GLI2: variants seen among roughly 807,000 people sequenced by gnomAD.
GLI2 encodes the protein GLI family zinc finger 2, also known as transcription activator GLI2.
A neutral mutation model predicts 78.9 loss-of-function variants in GLI2; 22 were observed. That is an observed-to-expected ratio of 0.28 (90% CI 0.20 to 0.40). The LOEUF (loss-of-function observed/expected upper bound fraction) is 0.40, where lower values mean the gene tolerates loss of function less well. Among genes scored for constraint, GLI2 ranks in the 10% least tolerant of loss-of-function variants. The pLI is 1.00. For synonymous variants in GLI2, 974 were observed against 963.7 expected (o/e 1.01, Z -0.20); for missense variants, 2,097 against 2,213.2 (o/e 0.95, Z 1.05).
chr2:120,748,536 G>T (rs1247999312), intron 1 of GLI2, among the ~76,000 whole-genome samples: 1 of 152,182 alleles, frequency 6.6e-6, no homozygotes, highest in South Asian at 2.1e-4. Context: ...GGGAGAGTCA[G>T]CGTGGGGTTG....
chr2:120,908,629 C>T (rs1448846383), intron 2 of GLI2, among the ~76,000 whole-genome samples: 2 of 152,202 alleles, frequency 1.3e-5, no homozygotes, highest in African/African-American at 4.8e-5. Context: ...TGCCCCCCAA[C>T]AGACCTGGCC....
chr2:120,989,341 C>A lies in GLI2; in HGVS notation c.3376C>A (p.Pro1126Thr). 4 of 1,613,028 alleles carry A rather than the reference C, an allele frequency of 2.5e-6. No homozygotes were observed. The highest frequency in any genetic ancestry group is 2.7e-5 in the African/African-American group (2 of 75,066). Residue 1126 changes from proline (P) to threonine (T), a missense_variant, in exon 14 of 14, where the codon CCT becomes ACT. Coordinates refer to ENST00000361492, the MANE Select transcript of GLI2 (RefSeq NM_001374353.1). ...APSSLNKNNM[P>T]VQWNEVSSGT... is the part of the protein sequence containing the mutation. The stretch of plus-strand genomic sequence containing the variant: ...CTCCAGCCTGAACAAAAATAACATG[C>A]CTGTGCAGTGGAATGAGGTGAGCTC...
intron 2 of GLI2, among the ~76,000 whole-genome samples, chr2:120,820,600 G>C (rs1685722543): frequency 6.6e-6 from 1 of 152,238 alleles, no homozygotes; most frequent in Non-Finnish European, 1.5e-5. Context: ...CGGACACCCT[G>C]CGGGGACGGC....
rs961814142 is a variant in GLI2 at position 120,755,490 on chromosome 2, A to G, written c.-31+19205A>G. Among the ~76,000 whole-genome samples, 5 of 151,918 alleles carry G rather than the reference A, an allele frequency of 3.3e-5. No homozygotes were observed. The South Asian group carries it at 8.3e-4, about 25-fold the overall frequency. On this transcript the variant is annotated intron_variant, in intron 1 of 13. Coordinates refer to ENST00000361492, the MANE Select transcript of GLI2 (RefSeq NM_001374353.1). ...TTGCTTAGTTTTGAGAATTCTTTATATATTTTGGATAGAAGTCTTTTGCAG... is the reference window on the plus strand; with the variant it reads ...TTGCTTAGTTTTGAGAATTCTTTATGTATTTTGGATAGAAGTCTTTTGCAG...
At chr2:120,928,698 C>T (rs567545140) in intron 3 of GLI2, among the ~76,000 whole-genome samples, 5 of 152,326 alleles carry the variant, frequency 3.3e-5, no homozygotes, top group Admixed American at 3.3e-4. Flanking sequence ...TTTCCGGACA[C>T]CCATTGCCTC....
intron 9 of GLI2, among the ~76,000 whole-genome samples, chr2:120,976,182 GCA>G (rs1185019952): frequency 2.0e-5 from 3 of 152,130 alleles, no homozygotes; most frequent in African/African-American, 7.2e-5. Context: ...ACACGCACGT[GCA>G]CACACATGCA....
At chr2:120,961,383 C>T (rs569721786) in intron 5 of GLI2, among the ~76,000 whole-genome samples, 4 of 152,224 alleles carry the variant, frequency 2.6e-5, no homozygotes, top group Admixed American at 1.3e-4. Context: ...GAAGGGGAAC[C>T]GAGGCAAAGG....
At chr2:120,771,483 G>A (rs1683520392) in intron 1 of GLI2, among the ~76,000 whole-genome samples, 1 of 152,210 alleles carries the variant, frequency 6.6e-6, no homozygotes, top group Non-Finnish European at 1.5e-5. Flanking sequence ...TGATTCTAAG[G>A]GGTCGATCAA....
At chr2:120,777,514 G>T (rs1683717282) in intron 1 of GLI2, among the ~76,000 whole-genome samples, 2 of 151,902 alleles carry the variant, frequency 1.3e-5, no homozygotes, top group Non-Finnish European at 2.9e-5. Flanking sequence ...GAGGAGCGCG[G>T]CAGGGAGGGG....
At chr2:120,962,541 G>T (rs1681619837) in intron 5 of GLI2, among the ~76,000 whole-genome samples, 1 of 152,206 alleles carries the variant, frequency 6.6e-6, no homozygotes, top group South Asian at 2.1e-4. Flanking sequence ...TCCAGAGGCA[G>T]GTGGTGTTGG....
In GLI2 at chr2:120,988,565, C is replaced by T. The variant is rs1485605591; in HGVS notation, c.2600C>T (p.Ala867Val). 11 of 1,497,472 alleles carry T rather than the reference C, an allele frequency of 7.3e-6. No homozygotes were observed. The highest frequency in any genetic ancestry group is 9.7e-6 in the Non-Finnish European group (11 of 1,130,022). The allele number at this position is 1,497,472 out of a possible 1,614,324, so 92.8% of individuals were successfully genotyped here. Reference sequence around the variant, plus strand: ...TCCGGGCTGCTCAACCTCACGCCGGCGCAGCAGTACAGCCTGCGGGCCAAG... The same window carrying T: ...TCCGGGCTGCTCAACCTCACGCCGGTGCAGCAGTACAGCCTGCGGGCCAAG... Reference protein sequence around the residue: ...GGSGLLNLTPAQQYSLRAKYA... With the variant: ...GGSGLLNLTPVQQYSLRAKYA... Residue 867 changes from alanine (A) to valine (V), a missense_variant, in exon 14 of 14, where the codon GCG (alanine) becomes GTG (valine). Physicochemically the swap from Ala to Val is moderately conservative, Grantham distance 64 (BLOSUM62 0). Around this residue, in one of 5 missense-constraint regions of GLI2, gnomAD observed 1,290 missense variants for 1,261.7 expected, o/e 1.02. Coordinates refer to ENST00000361492, the MANE Select transcript of GLI2 (RefSeq NM_001374353.1).
At chr2:120,872,266 G>C (rs1402678446) in intron 2 of GLI2, among the ~76,000 whole-genome samples, 3 of 152,190 alleles carry the variant, frequency 2.0e-5, no homozygotes, top group African/African-American at 7.2e-5. Context: ...GGCAGTTTAG[G>C]CCACAGAGAC....
At chr2:120,879,807 A>T (rs1677025423) in intron 2 of GLI2, among the ~76,000 whole-genome samples, 1 of 152,136 alleles carries the variant, frequency 6.6e-6, no homozygotes, top group African/African-American at 2.4e-5. Flanking sequence ...TCTAATGAGG[A>T]GCTTGTAACC....
At position 120,803,018 on chromosome 2, in the gene GLI2, G is replaced by A. The variant is rs570761258; in HGVS notation, c.148+5550G>A. Among the ~76,000 whole-genome samples, 15 of 152,344 alleles carry A rather than the reference G, an allele frequency of 9.8e-5. No homozygotes were observed. The South Asian group carries it at 1.2e-3, about 13-fold the overall frequency. On this transcript the variant is annotated intron_variant, in intron 2 of 13. Coordinates refer to ENST00000361492, the MANE Select transcript of GLI2 (RefSeq NM_001374353.1). Reference sequence around the variant, plus strand: ...TGATACACTCCTAAGTTGGAGAACCGCATGTTCTGACTACATGAGGTAGGG... The same window carrying A: ...TGATACACTCCTAAGTTGGAGAACCACATGTTCTGACTACATGAGGTAGGG...
chr2:120,877,912 C>T (rs975013459), intron 2 of GLI2, among the ~76,000 whole-genome samples: 1 of 152,152 alleles, frequency 6.6e-6, no homozygotes, highest in Non-Finnish European at 1.5e-5. Flanking sequence ...TTATAGGGGG[C>T]ACATGTGGTC....
intron 3 of GLI2, among the ~76,000 whole-genome samples, chr2:120,939,512 A>G (rs1680354448): frequency 6.6e-6 from 1 of 152,096 alleles, no homozygotes; most frequent in African/African-American, 2.4e-5. Flanking sequence ...CTCCCCTAAC[A>G]ATGTATTAAT....
intron 1 of GLI2, among the ~76,000 whole-genome samples, chr2:120,758,763 C>T (rs1191933073): frequency 6.6e-6 from 1 of 152,184 alleles, no homozygotes; most frequent in Non-Finnish European, 1.5e-5. Context: ...CTGGGGAGCC[C>T]ACCATCCAAA....
chr2:120,849,229 GA>G (rs1368336394), intron 2 of GLI2, among the ~76,000 whole-genome samples: 1 of 152,176 alleles, frequency 6.6e-6, no homozygotes, highest in African/African-American at 2.4e-5. Flanking sequence ...TTCAGTTTGG[GA>G]AGATGGAAAA....
rs2105071018 is a variant in GLI2 at position 120,984,612 on chromosome 2, C to A, written c.1774C>A (p.Leu592Met). The change falls in exon 12 of 14, where the codon CTG becomes ATG. Residue 592 changes from leucine to methionine, a missense_variant. By Grantham distance (15) the Leu-to-Met change is conservative. Around this residue, in one of 5 missense-constraint regions of GLI2, gnomAD observed 57 missense variants for 44.5 expected, o/e 1.28. Transcript: ENST00000361492. Reference protein sequence around the residue: ...QRNDVHLRTPLLKENGDSEAG... With the variant: ...QRNDVHLRTPMLKENGDSEAG... ...CAATGACGTGCACCTCCGCACACCG[C>A]TGCTCAAAGAGAATGGGGACAGTGA... The A allele has an allele frequency of 6.2e-7, 1 of 1,614,262 alleles. No homozygotes were observed. The highest frequency in any genetic ancestry group is 8.5e-7 in the Non-Finnish European group (1 of 1,180,044).
Sources: gnomAD v4.1 joint callset for allele counts (sites outside exome capture counted in the v4.1 genomes callset) on GRCh38, gnomAD v4.1.1 for gene constraint, gnomAD v4.1.1 regional missense constraint, MANE v1.5 for transcripts, NCBI Gene and HGNC (gene_info 2026-07-23, HGNC 2026-07-21) for gene names.